Variants in ELMO1 observed in about 807,000 individuals in gnomAD.
The protein encoded by ELMO1 is engulfment and cell motility 1.
In ELMO1, 26 loss-of-function variants were observed where a neutral mutation model predicts 98.9. That is an observed-to-expected ratio of 0.26 (90% CI 0.19 to 0.36). ELMO1 has a LOEUF of 0.36. Among genes scored for constraint, ELMO1 ranks in the 10% least tolerant of loss-of-function variants. ELMO1 has a pLI of 1.00. For missense variants in ELMO1, 627 were observed against 935.2 expected, an observed-to-expected ratio of 0.67 and a Z score of 4.30; for synonymous variants, 346 against 346.0, an observed-to-expected ratio of 1.00 and a Z score of 0.00.
chr7:37,080,770 T>C (rs901034854), intron 15 of ELMO1, among the ~76,000 whole-genome samples: 3 of 151,926 alleles, frequency 2.0e-5, no homozygotes, highest in Admixed American at 6.6e-5. Context: ...CCTACTCTTA[T>C]ACTATCTTTC....
Position 36,894,873 on chromosome 7 carries a change from A to G in ELMO1, c.1582T>C (p.Phe528Leu). Residue 528 changes from phenylalanine to leucine, a missense_variant, in exon 17 of 22, where the codon TTC becomes CTC. This residue lies in a region of ELMO1 where 492 missense variants were observed against 715.6 expected (regional missense o/e 0.69). Transcript: ENST00000310758. ...ACTTACAAAATCGGGCGGGACTGGA[A>G]ATCTTCCTGGTTCATCCTCTCGGAC... is the stretch of plus-strand genomic sequence containing the variant. ...RQSERMNQED[F>L]QSRPILELKE... 1 of 1,614,112 alleles carries G rather than the reference A, an allele frequency of 6.2e-7. No homozygotes were observed. Among genetic ancestry groups the G allele is most frequent in the Non-Finnish European group, 8.5e-7 (1 of 1,179,982 alleles).
intron 18 of ELMO1, among the ~76,000 whole-genome samples, chr7:36,881,310 G>T (rs181922153): frequency 1.3e-5 from 2 of 152,288 alleles, no homozygotes; most frequent in African/African-American, 4.8e-5. Context: ...TCAGCACAGT[G>T]CGTCGACATG....
intron 15 of ELMO1, among the ~76,000 whole-genome samples, chr7:37,018,659 T>C (rs1172395439): frequency 1.3e-5 from 2 of 151,906 alleles, no homozygotes; most frequent in African/African-American, 4.8e-5. Context: ...GTGTTTTTAG[T>C]AGAGATGGGG....
At position 36,870,884 on chromosome 7, in the gene ELMO1, C is replaced by A. The variant is rs1803446914; in HGVS notation, c.1823-409G>T. ...GACAAGAGCAATGCCAAGTGCTTTA[C>A]ATATATCAGTGTCTCTTGTTACAGC... is the stretch of plus-strand genomic sequence containing the variant. On this transcript the variant is annotated intron_variant, in intron 19 of 21. Transcript: ENST00000310758. This position sits in a 1 kb window ranked among gnomAD's most constrained non-coding sequence, Gnocchi z 4.4. 6.6e-6 allele frequency among the ~76,000 whole-genome samples: 1 copy of A among 152,216 alleles called. No homozygotes were observed. The highest frequency in any genetic ancestry group is 1.5e-5 in the Non-Finnish European group (1 of 68,030).
At chr7:36,941,279 G>T (rs1391502415) in intron 16 of ELMO1, among the ~76,000 whole-genome samples, 2 of 152,182 alleles carry the variant, frequency 1.3e-5, no homozygotes, top group African/African-American at 4.8e-5. Context: ...TTTGGTATTT[G>T]CATTATCTAC....
At chr7:37,412,602 GTA>G (rs1409977082) in intron 1 of ELMO1, among the ~76,000 whole-genome samples, 10 of 137,680 alleles carry the variant, frequency 7.3e-5, no homozygotes, top group Middle Eastern at 3.7e-3. Context: ...TTTCAAGAAT[GTA>G]TTGGTTTTAA....
At chr7:36,861,793 A>C (rs907143628) in intron 20 of ELMO1, 57 bp from the exon 21 acceptor site, 1 of 1,551,648 alleles carries the variant, frequency 6.4e-7, no homozygotes, top group Non-Finnish European at 8.9e-7. Context: ...TTCATTTTGC[A>C]GTTGCAAATG....
intron 1 of ELMO1, among the ~76,000 whole-genome samples, chr7:37,439,250 T>A (rs1805295766): frequency 6.6e-6 from 1 of 152,198 alleles, no homozygotes; most frequent in Non-Finnish European, 1.5e-5. Context: ...TTCTGCTGAA[T>A]CCAAATGCCC....
intron 1 of ELMO1, chr7:37,351,025 C>T (rs925351540): frequency 4.6e-5 from 7 of 152,068 alleles, no homozygotes; most frequent in Non-Finnish European, 1.0e-4. Flanking sequence ...TTTATGGCAG[C>T]CCTAGCAAAC....
chr7:37,215,992 CTTT>C (rs56397617), intron 11 of ELMO1, among the ~76,000 whole-genome samples: 3 of 145,186 alleles, frequency 2.1e-5, no homozygotes, highest in Non-Finnish European at 4.5e-5. Context: ...TCCTCTTTTC[CTTT>C]TTTTTTTTTT....
intron 15 of ELMO1, among the ~76,000 whole-genome samples, chr7:37,014,943 C>A (rs756413615): frequency 5.3e-5 from 8 of 152,010 alleles, no homozygotes; most frequent in African/African-American, 1.9e-4. Flanking sequence ...AGTGAACAAA[C>A]CCTGATCAAG....
At chr7:37,091,909 C>G (rs563705852) in intron 15 of ELMO1, among the ~76,000 whole-genome samples, 3 of 152,234 alleles carry the variant, frequency 2.0e-5, no homozygotes, top group African/African-American at 7.2e-5. Context: ...GAGAACAGTA[C>G]AGGGGAAACC....
At chr7:37,121,895 G>A (rs924130277) in intron 14 of ELMO1, among the ~76,000 whole-genome samples, 101 of 152,258 alleles carry the variant, frequency 6.6e-4, no homozygotes, top group African/African-American at 2.2e-3. Flanking sequence ...GAAAGGACGG[G>A]TTACCCACAA....
Position 37,228,122 on chromosome 7 carries a change from A to C in ELMO1, c.550-3092T>G, listed in dbSNP as rs556609267. On this transcript the variant is annotated intron_variant, in intron 8 of 21. Coordinates refer to ENST00000310758, the MANE Select transcript of ELMO1 (RefSeq NM_014800.11). ...TTTTGTTTTATTTGTCACTGGTTTT[A>C]GCCAGATATTCAAATGACCTAATAC... Among the ~76,000 whole-genome samples, 14 of 152,340 alleles carry C rather than the reference A, an allele frequency of 9.2e-5. No homozygotes were observed. The South Asian group carries it at 2.9e-3, about 32-fold the overall frequency.
chr7:37,028,507 G>C (rs1035087844), intron 15 of ELMO1, among the ~76,000 whole-genome samples: 2 of 151,938 alleles, frequency 1.3e-5, no homozygotes, highest in African/African-American at 2.4e-5. Flanking sequence ...AATATTACTG[G>C]GGAGAAAAGT....
In ELMO1 at chr7:37,066,298, G is replaced by A. The variant is rs192390597; in HGVS notation, c.1300+30321C>T. 8.0e-4 allele frequency among the ~76,000 whole-genome samples: 122 copies of A among 152,280 alleles called. 1 individual carries two copies. The highest frequency in any genetic ancestry group is 2.8e-3 in the African/African-American group (116 of 41,558). Reference sequence around the variant, plus strand: ...CACTGAGTGTGGCATGTCCATTAATGCAAGCACTTATGCCTGGGTGTACAG... The same window carrying A: ...CACTGAGTGTGGCATGTCCATTAATACAAGCACTTATGCCTGGGTGTACAG... On this transcript the variant is annotated intron_variant, in intron 15 of 21. Transcript: ENST00000310758.
chr7:36,922,394 C>T (rs1191296272), intron 16 of ELMO1, among the ~76,000 whole-genome samples: 1 of 139,712 alleles, frequency 7.2e-6, no homozygotes, highest in African/African-American at 2.7e-5. Context: ...GTTCTTTTAT[C>T]AGCCTCCTCC....
intron 16 of ELMO1, among the ~76,000 whole-genome samples, chr7:36,962,859 A>C (rs1440386032): frequency 1.3e-5 from 2 of 152,230 alleles, no homozygotes; most frequent in Non-Finnish European, 2.9e-5. Context: ...ATAGAATCAC[A>C]AATCACTGTT....
intron 14 of ELMO1, among the ~76,000 whole-genome samples, chr7:37,101,175 G>T (rs1276713136): frequency 2.0e-5 from 3 of 152,176 alleles, no homozygotes; most frequent in African/African-American, 7.2e-5. Context: ...GAGGCCTTCT[G>T]GTTGTTTTAG....
Sources: allele counts gnomAD v4.1 joint callset (sites outside exome capture counted in the v4.1 genomes callset), GRCh38; gene constraint gnomAD v4.1.1; regional missense constraint gnomAD v4.1.1; non-coding constraint Gnocchi (gnomAD v3.1); transcripts MANE v1.5; gene names NCBI Gene and HGNC (gene_info 2026-07-23, HGNC 2026-07-21).